NF1: variants seen among roughly 807,000 people sequenced by gnomAD.
NF1 encodes neurofibromin 1, also known as neurofibromin.
In NF1, 122 loss-of-function variants were observed where a neutral mutation model predicts 325.7. The ratio of observed to expected loss-of-function variants is 0.37; its 90% CI spans 0.32 to 0.44. The LOEUF is 0.44. NF1 is among the 20% of genes least tolerant of loss of function. The probability of loss-of-function intolerance (pLI) is 1.00; values close to 1 mark genes in which losing one functional copy is unlikely to be tolerated. For missense variants in NF1, 2,140 were observed against 3,415.4 expected, an observed-to-expected ratio of 0.63 and a Z score of 9.31; for synonymous variants, 1,091 against 1,186.0, an observed-to-expected ratio of 0.92 and a Z score of 1.65.
At chr17:31,101,028 G>C (rs76644659) in intron 1 of NF1, among the ~76,000 whole-genome samples, 1 of 151,826 alleles carries the variant, frequency 6.6e-6, no homozygotes, top group Non-Finnish European at 1.5e-5. Context: ...GAAATCAGAC[G>C]TTTACTTGGT....
At chr17:31,321,616 A>G (rs1364753760) in intron 36 of NF1, 1 of 152,142 alleles carries the variant, frequency 6.6e-6, no homozygotes, top group Non-Finnish European at 1.5e-5. Context: ...AATCTGCAGT[A>G]AAAAAGGATA....
intron 17 of NF1, 130 bp from the exon 18 acceptor site, chr17:31,226,305 T>TA (rs1818223332): frequency 9.9e-7 from 1 of 1,015,072 alleles, no homozygotes; most frequent in Non-Finnish European, 1.3e-6. Context: ...TCTTGTGAGT[T>TA]ATTGTATGCG....
chr17:31,114,320 C>T (rs1421995528), intron 1 of NF1, among the ~76,000 whole-genome samples: 5 of 151,972 alleles, frequency 3.3e-5, no homozygotes, highest in East Asian at 1.9e-4. Context: ...GGGTGGATCA[C>T]GAGGTCAGGA....
At chr17:31,299,342 CAAA>C (rs56983032) in intron 36 of NF1, among the ~76,000 whole-genome samples, 5 of 151,258 alleles carry the variant, frequency 3.3e-5, no homozygotes, top group Admixed American at 6.6e-5. Context: ...TACTGTTACT[CAAA>C]AAAAATATTT....
intron 46 of NF1, chr17:31,340,226 C>A: frequency 6.8e-6 from 3 of 443,652 alleles, no homozygotes; most frequent in South Asian, 2.5e-5. Flanking sequence ...ACAAAAGAGA[C>A]TACTCTAGAA....
chr17:31,126,016 C>T (rs1250593950), intron 1 of NF1, among the ~76,000 whole-genome samples: 1 of 152,128 alleles, frequency 6.6e-6, no homozygotes, highest in Admixed American at 6.6e-5. Context: ...AAAACCCGGT[C>T]TCTACTAAAA....
chr17:31,329,182 A>T lies in NF1; in HGVS notation c.5610-1114A>T, dbSNP rs17886932. On this transcript the variant is annotated intron_variant, in intron 38 of 57. Transcript: ENST00000358273. ...GTGAGACTCTGACTAAAAGTTTTTTAAAAAAGAAAAAAGATATGTAAACAG... is the reference window on the plus strand; with the variant it reads ...GTGAGACTCTGACTAAAAGTTTTTTTAAAAAGAAAAAAGATATGTAAACAG... Among the ~76,000 whole-genome samples the T allele has an allele frequency of 4.5e-3, 689 of 152,312 alleles. 7 individuals carry two copies. The highest frequency in any genetic ancestry group is 0.016 in the African/African-American group (657 of 41,558).
chr17:31,181,258 A>G (rs1332149808), intron 5 of NF1, among the ~76,000 whole-genome samples, 164 bp from the exon 6 acceptor site: 1 of 152,226 alleles, frequency 6.6e-6, no homozygotes, highest in Non-Finnish European at 1.5e-5. Context: ...CTTTCCTAGC[A>G]GACAACTATC....
intron 1 of NF1, among the ~76,000 whole-genome samples, chr17:31,105,883 A>G (rs1442555169): frequency 1.3e-5 from 2 of 152,198 alleles, no homozygotes; most frequent in East Asian, 3.8e-4. Flanking sequence ...CCCCACCAGC[A>G]GAGTGGTATA....
chr17:31,330,997 T>C (rs1345943068), intron 39 of NF1: 1 of 152,850 alleles, frequency 6.5e-6, no homozygotes, highest in African/African-American at 2.4e-5. Flanking sequence ...CTAAGTCTTA[T>C]AAATTTAATA....
intron 39 of NF1, among the ~76,000 whole-genome samples, chr17:31,332,491 A>G (rs1377801314): frequency 1.3e-5 from 2 of 152,134 alleles, no homozygotes; most frequent in Non-Finnish European, 2.9e-5. Context: ...GAATAAATGA[A>G]TGAATGAATG....
chr17:31,194,610 A>G (rs2066402929), intron 8 of NF1, among the ~76,000 whole-genome samples: 1 of 152,144 alleles, frequency 6.6e-6, no homozygotes, highest in African/African-American at 2.4e-5. Flanking sequence ...CTGTATAGCT[A>G]TGAAAATGTT....
intron 57 of NF1, among the ~76,000 whole-genome samples, chr17:31,365,835 G>A (rs1175988003): frequency 6.6e-6 from 1 of 152,020 alleles, no homozygotes; most frequent in African/African-American, 2.4e-5. Context: ...GGACATTTGT[G>A]TGGAAGGATC....
At chr17:31,370,795 A>T (rs960180749) in intron 57 of NF1, among the ~76,000 whole-genome samples, 4 of 152,176 alleles carry the variant, frequency 2.6e-5, no homozygotes, top group African/African-American at 9.7e-5. Context: ...GGGCCTTCCT[A>T]GTGGTCATCC....
chr17:31,360,807 A>C lies in NF1; in HGVS notation c.8377+104A>C, dbSNP rs988292903. The C allele has an allele frequency of 9.8e-5, 95 of 966,396 alleles. 1 individual carries two copies. The highest frequency in any genetic ancestry group is 1.6e-4 in the Non-Finnish European group (94 of 597,900). 59.9% of individuals were successfully genotyped at this position (966,396 alleles called of 1,614,324 possible). The stretch of plus-strand genomic sequence containing the variant: ...ATAGCAAATTTTGCTCCTTTTTCTT[A>C]TGAGATTCACCTTACATTTCTTCTT... On this transcript the variant is annotated intron_variant, in intron 57 of 57. Coordinates refer to ENST00000358273, the MANE Select transcript of NF1 (RefSeq NM_001042492.3).
chr17:31,143,129 T>A (rs1481748079), intron 1 of NF1, among the ~76,000 whole-genome samples: 8 of 152,192 alleles, frequency 5.3e-5, no homozygotes, highest in Admixed American at 5.2e-4. Flanking sequence ...TCAGTGTTTT[T>A]ATTATAGGTG....
chr17:31,302,351 G>C (rs944399140), intron 36 of NF1, among the ~76,000 whole-genome samples: 1 of 152,020 alleles, frequency 6.6e-6, no homozygotes, highest in Admixed American at 6.5e-5. Context: ...GGTAAAAAGG[G>C]GCAAAAATGT....
intron 8 of NF1, among the ~76,000 whole-genome samples, chr17:31,190,678 C>T (rs756964520): frequency 1.3e-5 from 2 of 152,160 alleles, no homozygotes; most frequent in Non-Finnish European, 2.9e-5. Flanking sequence ...AACTGATGCT[C>T]TTAATTCTAT....
intron 57 of NF1, among the ~76,000 whole-genome samples, chr17:31,366,478 A>T (rs1004383979): frequency 6.6e-6 from 1 of 152,220 alleles, no homozygotes; most frequent in Admixed American, 6.5e-5. Context: ...TGATCATAAC[A>T]TTCCTAAACC....
Sources: gnomAD v4.1 joint callset for allele counts (sites outside exome capture counted in the v4.1 genomes callset) on GRCh38, gnomAD v4.1.1 for gene constraint, MANE v1.5 for transcripts, NCBI Gene and HGNC (gene_info 2026-07-23, HGNC 2026-07-21) for gene names.